MUC12: variants seen among roughly 807,000 people sequenced by gnomAD.
MUC12 encodes the protein mucin-12.
A neutral mutation model predicts 230.8 loss-of-function variants in MUC12; 172 were observed. The ratio of observed to expected loss-of-function variants is 0.75; its 90% CI spans 0.66 to 0.85. The LOEUF (loss-of-function observed/expected upper bound fraction) is 0.85. Among genes scored for constraint, MUC12 ranks in the 40% least tolerant of loss-of-function variants. MUC12 has a pLI of 0.00. For synonymous variants in MUC12, 1,259 were observed against 2,401.9 expected (o/e 0.52, Z 13.91); for missense variants, 3,506 against 5,920.6 (o/e 0.59, Z 13.38).
chr7:101,013,220 G>T (rs1793863902), intron 8 of MUC12, 78 bp downstream of exon 8: 1 of 1,493,304 alleles, frequency 6.7e-7, no homozygotes, highest in Admixed American at 2.0e-5. Flanking sequence ...CACCCACAGG[G>T]TTGGGGGATT....
In MUC12 at chr7:101,017,565, C is replaced by T; in HGVS notation, c.15878-10C>T. ...AGGCTCCCATCACTCATCACGGCCT[C>T]TCCCTACAGACCAGAATCTGAGGGA... On this transcript the variant is annotated splice_polypyrimidine_tract_variant and intron_variant, in intron 10 of 11. Transcript: ENST00000536621. 6.5e-7 allele frequency: 1 copy of T among 1,530,114 alleles called. No individual in the cohort carries two copies. Among genetic ancestry groups the T allele is most frequent in the Non-Finnish European group, 8.8e-7 (1 of 1,141,330 alleles). 94.8% of individuals were successfully genotyped at this position (1,530,114 alleles called of 1,614,324 possible).
intron 1 of MUC12, among the ~76,000 whole-genome samples, chr7:100,971,587 A>C (rs1310025319): frequency 6.6e-6 from 1 of 152,310 alleles, no homozygotes; most frequent in Non-Finnish European, 1.5e-5. Flanking sequence ...GTTGGGAGAG[A>C]GGTACAGGCA....
chr7:100,980,002 G>A (rs1302502975), intron 1 of MUC12, among the ~76,000 whole-genome samples: 2 of 151,646 alleles, frequency 1.3e-5, no homozygotes, highest in Admixed American at 6.6e-5. Flanking sequence ...TCCAGTCTGG[G>A]GGCACATTGA....
Position 101,004,827 on chromosome 7 carries a change from C to T in MUC12, c.14264C>T (p.Ala4755Val), listed in dbSNP as rs1298834496. The change falls in exon 2 of 12, where the codon GCC becomes GTC. Residue 4755 changes from alanine (A) to valine (V), a missense_variant. Coordinates refer to ENST00000536621, the MANE Select transcript of MUC12 (RefSeq NM_001164462.2). ...TCACCAGACCAAACACTCTCACCTG[C>T]CAGCATGACAAGCTCCAGCATCAGT... is the stretch of plus-strand genomic sequence containing the variant. ...SRSPDQTLSPASMTSSSISGE... is the reference protein window; with the variant it reads ...SRSPDQTLSPVSMTSSSISGE... 6.5e-7 allele frequency: 1 copy of T among 1,537,158 alleles called. No individual in the cohort carries two copies. Among genetic ancestry groups the T allele is most frequent in the South Asian group, 1.2e-5 (1 of 84,034 alleles).
intron 1 of MUC12, among the ~76,000 whole-genome samples, chr7:100,977,527 G>T (rs1016071721): frequency 2.6e-5 from 4 of 151,898 alleles, no homozygotes; most frequent in African/African-American, 7.3e-5. Context: ...CACCACGCCC[G>T]GCTAAGTTTT....
At chr7:100,971,062 A>C (rs1348096424) in intron 1 of MUC12, among the ~76,000 whole-genome samples, 2 of 152,154 alleles carry the variant, frequency 1.3e-5, no homozygotes, top group South Asian at 2.1e-4. Flanking sequence ...AGGCTGAGGC[A>C]GGAGAATCAC....
At position 101,004,643 on chromosome 7, in the gene MUC12, G is replaced by T. The variant is rs1793701243; in HGVS notation, c.14080G>T (p.Gly4694Ter). 1.3e-6 allele frequency: 2 copies of T among 1,537,278 alleles called. No homozygotes were observed. The highest frequency in any genetic ancestry group is 2.4e-5 in the South Asian group (2 of 84,044). ...TASHSSPDTN[G>*]ITPLPAHFTT... ...ATCCCACAGCAGCCCAGATACAAAT[G>T]GAATCACACCCTTACCTGCCCATTT... is the stretch of plus-strand genomic sequence containing the variant. The change falls in exon 2 of 12, where the codon GGA (glycine) becomes TGA (stop). Residue 4694 changes from glycine to a stop codon, truncating the protein, a stop_gained. Transcript: ENST00000536621. LOFTEE classifies it high-confidence loss of function.
At chr7:100,981,490 GAGA>G in intron 1 of MUC12, 1 of 498,794 alleles carries the variant, frequency 2.0e-6, no homozygotes, top group Non-Finnish European at 3.6e-6. Context: ...AGGAGCCAGA[GAGA>G]AGGAGCGTCA....
At position 100,991,766 on chromosome 7, in the gene MUC12, T is replaced by G; in HGVS notation, c.1203T>G (p.Pro401=). Residue 401 remains proline, a synonymous_variant, in exon 2 of 12, where the codon CCT becomes CCG. Transcript: ENST00000536621. Reference sequence around the variant, plus strand: ...CAACACACACAAAATCTTCAACTCCTAGCACCACAGCTGCCCTAGCACATA... The same window carrying G: ...CAACACACACAAAATCTTCAACTCCGAGCACCACAGCTGCCCTAGCACATA... ...GSTTHTKSST[P]STTAALAHTS... is the part of the protein sequence containing the mutation. 3 of 1,537,914 alleles carry G rather than the reference T, an allele frequency of 2.0e-6. No individual in the cohort carries two copies. Among genetic ancestry groups the G allele is most frequent in the Non-Finnish European group, 2.6e-6 (3 of 1,147,066 alleles).
chr7:100,991,062 A>G lies in MUC12; in HGVS notation c.499A>G (p.Thr167Ala). The G allele has an allele frequency of 6.5e-7, 1 of 1,536,196 alleles. No homozygotes were observed. The highest frequency in any genetic ancestry group is 8.7e-7 in the Non-Finnish European group (1 of 1,146,564). Residue 167 changes from threonine (T) to alanine (A), a missense_variant, in exon 2 of 12, where the codon ACC (threonine) becomes GCC (alanine). By Grantham distance (58) the Thr-to-Ala change is moderately conservative. Coordinates refer to ENST00000536621, the MANE Select transcript of MUC12 (RefSeq NM_001164462.2). ...TSSGVSEKST[T>A]SHSRPGPTHT... Reference sequence around the variant, plus strand: ...CTCAGGCGTCAGTGAAAAATCAACCACCTCCCACAGCCGACCAGGCCCAAC... The same window carrying G: ...CTCAGGCGTCAGTGAAAAATCAACCGCCTCCCACAGCCGACCAGGCCCAAC...
chr7:101,016,595 G>C (rs1008040492), intron 10 of MUC12, among the ~76,000 whole-genome samples: 19 of 151,874 alleles, frequency 1.3e-4, no homozygotes, highest in African/African-American at 4.4e-4. Flanking sequence ...GATTACAGGC[G>C]TGAACCACCA....
intron 1 of MUC12, 101 bp downstream of exon 1, chr7:100,969,790 T>TGCCA: frequency 2.7e-6 from 4 of 1,476,808 alleles, no homozygotes; most frequent in Non-Finnish European, 3.7e-6. Flanking sequence ...CTCCTCCCCT[T>TGCCA]TGCATGGCAA....
intron 1 of MUC12, among the ~76,000 whole-genome samples, chr7:100,984,058 G>A (rs989615179): frequency 2.6e-5 from 4 of 152,084 alleles, no homozygotes; most frequent in Admixed American, 1.3e-4. Context: ...CATGAGGGGC[G>A]GGGGGTACAT....
rs762665070 is a variant in MUC12 at position 101,004,850 on chromosome 7, A to C, written c.14287A>C (p.Ser4763Arg). The change falls in exon 2 of 12, where the codon AGT (serine) becomes CGT (arginine). Residue 4763 changes from serine to arginine, a missense_variant. Ser to Arg is a moderately radical substitution (Grantham distance 110). Transcript: ENST00000536621. Reference sequence around the variant, plus strand: ...TGCCAGCATGACAAGCTCCAGCATCAGTGGAGAACCCACCAGCTTGTATAG... The same window carrying C: ...TGCCAGCATGACAAGCTCCAGCATCCGTGGAGAACCCACCAGCTTGTATAG... ...SPASMTSSSI[S>R]GEPTSLYSQA... is the part of the protein sequence containing the mutation. 6.5e-7 allele frequency: 1 copy of C among 1,537,240 alleles called. No homozygotes were observed. Among genetic ancestry groups the C allele is most frequent in the South Asian group, 1.2e-5 (1 of 84,038 alleles).
Position 100,991,656 on chromosome 7 carries a change from C to A in MUC12, c.1093C>A (p.Pro365Thr). The change falls in exon 2 of 12, where the codon CCG becomes ACG. Residue 365 changes from proline (P) to threonine (T), a missense_variant. By Grantham distance (38) the Pro-to-Thr change is conservative (BLOSUM62 -1). Coordinates refer to ENST00000536621, the MANE Select transcript of MUC12 (RefSeq NM_001164462.2). The part of the protein sequence containing the change: ...VEESTAYHRS[P>T]GSTQTMHFPE... Reference sequence around the variant, plus strand: ...AGAATCTACAGCCTACCACAGGAGCCCGGGCTCAACTCAAACAATGCACTT... The same window carrying A: ...AGAATCTACAGCCTACCACAGGAGCACGGGCTCAACTCAAACAATGCACTT... 1 of 1,537,232 alleles carries A rather than the reference C, an allele frequency of 6.5e-7. No homozygotes were observed.
In MUC12 at chr7:101,011,798, CCCTTGGTTTG is replaced by C. The variant is rs141143958; in HGVS notation, c.15252-496_15252-487del. On this transcript the variant is annotated intron_variant, in intron 5 of 11. Coordinates refer to ENST00000536621, the MANE Select transcript of MUC12 (RefSeq NM_001164462.2). ...GTTTCTCCATTTGTCTGTTGATGGA[CCCTTGGTTTG>C]CTTCCACCTTTTGGCTATGGTAAAT... Among the ~76,000 whole-genome samples, 774 of 152,300 alleles carry C rather than the reference CCCTTGGTTTG, an allele frequency of 5.1e-3. 23 individuals are homozygous for C. In the East Asian group the frequency reaches 0.099, roughly 19 times the overall value.
intron 1 of MUC12, among the ~76,000 whole-genome samples, chr7:100,989,370 G>T (rs1793243880): frequency 1.3e-5 from 2 of 152,098 alleles, no homozygotes; most frequent in African/African-American, 4.8e-5. Flanking sequence ...GCATCCCAAA[G>T]TGCTAGGATT....
chr7:101,010,744 A>G (rs1236357198), intron 5 of MUC12, among the ~76,000 whole-genome samples: 1 of 151,968 alleles, frequency 6.6e-6, no homozygotes, highest in East Asian at 1.9e-4. Flanking sequence ...CGAACTCCTG[A>G]CCTCAAGTGA....
In MUC12 at chr7:100,991,774, C is replaced by T. The variant is rs62483731; in HGVS notation, c.1211C>T (p.Thr404Ile). ...THTKSSTPST[T>I]AALAHTSYHS... ...ACAAAATCTTCAACTCCTAGCACCA[C>T]AGCTGCCCTAGCACATACAAGCTAC... The change falls in exon 2 of 12, where the codon ACA (threonine) becomes ATA (isoleucine). Residue 404 changes from threonine to isoleucine, a missense_variant. Coordinates refer to ENST00000536621, the MANE Select transcript of MUC12 (RefSeq NM_001164462.2). 2 of 1,538,006 alleles carry T rather than the reference C, an allele frequency of 1.3e-6. No individual in the cohort carries two copies. Among genetic ancestry groups the T allele is most frequent in the Non-Finnish European group, 1.7e-6 (2 of 1,147,074 alleles).
Sources: allele counts gnomAD v4.1 joint callset (sites outside exome capture counted in the v4.1 genomes callset), GRCh38; gene constraint gnomAD v4.1.1; transcripts MANE v1.5; gene names NCBI Gene and HGNC (gene_info 2026-07-23, HGNC 2026-07-21).